Variants in BICD1 observed in about 807,000 individuals in gnomAD.
The protein encoded by BICD1 is BICD cargo adaptor 1, also known as protein bicaudal D homolog 1.
BICD1 carries 35 observed loss-of-function variants against 92.5 expected under a neutral mutation model. That is an observed-to-expected ratio of 0.38 (90% CI 0.29 to 0.50). BICD1 has a LOEUF of 0.50. BICD1 is among the 20% of genes least tolerant of loss of function. BICD1 has a pLI of 0.93. For synonymous variants in BICD1, 429 were observed against 465.1 expected, an observed-to-expected ratio of 0.92 and a Z score of 1.00; for missense variants, 950 against 1,189.8, an observed-to-expected ratio of 0.80 and a Z score of 2.97.
chr12:32,215,031 C>G (rs1303052524), intron 1 of BICD1, among the ~76,000 whole-genome samples: 1 of 152,092 alleles, frequency 6.6e-6, no homozygotes, highest in Non-Finnish European at 1.5e-5. Flanking sequence ...GAGTTTGAGA[C>G]CAGCCTGGCC....
intron 4 of BICD1, among the ~76,000 whole-genome samples, chr12:32,310,791 T>C (rs939120772): frequency 1.3e-5 from 2 of 152,246 alleles, no homozygotes; most frequent in Admixed American, 1.3e-4. Flanking sequence ...ATTTCCACTT[T>C]GCCTACATAT....
intron 4 of BICD1, among the ~76,000 whole-genome samples, chr12:32,319,337 A>G (rs1160417364): frequency 6.6e-6 from 1 of 152,092 alleles, no homozygotes; most frequent in African/African-American, 2.4e-5. Flanking sequence ...TTTTCTTCAT[A>G]TATTGAGATG....
intron 4 of BICD1, among the ~76,000 whole-genome samples, chr12:32,324,112 C>T (rs1055844007): frequency 4.7e-5 from 7 of 150,436 alleles, no homozygotes; most frequent in Admixed American, 2.0e-4. Context: ...GGGCAGATCA[C>T]GAGGTCAGGA....
At chr12:32,231,987 T>A (rs1945906795) in intron 2 of BICD1, among the ~76,000 whole-genome samples, 2 of 150,378 alleles carry the variant, frequency 1.3e-5, no homozygotes, top group Non-Finnish European at 1.5e-5. Context: ...CAGTCTATCA[T>A]TGTTGGACAT....
chr12:32,208,775 A>AT (rs1197263024), intron 1 of BICD1, among the ~76,000 whole-genome samples: 1 of 151,992 alleles, frequency 6.6e-6, no homozygotes, highest in Non-Finnish European at 1.5e-5. Context: ...GGTTCTTCCT[A>AT]TTTTTTGTGC....
At position 32,216,235 on chromosome 12, in the gene BICD1, T is replaced by C; in HGVS notation, c.214-12T>C. On this transcript the variant is annotated splice_polypyrimidine_tract_variant and intron_variant, in intron 1 of 9. Coordinates refer to ENST00000652176, the MANE Select transcript of BICD1 (RefSeq NM_001714.4). ...TCATTGTGTACTCTTTTTCTTCCCA[T>C]ATACTCTGCAGGCATTTGGGCAGTC... is the stretch of plus-strand genomic sequence containing the variant. 1 of 1,611,812 alleles carries C rather than the reference T, an allele frequency of 6.2e-7. No homozygotes were observed. The highest frequency in any genetic ancestry group is 8.5e-7 in the Non-Finnish European group (1 of 1,179,004).
rs571056325 is a variant in BICD1 at position 32,242,056 on chromosome 12, A to AAACAAAC, written c.426+25599_426+25600insCAAACAA. Among the ~76,000 whole-genome samples the AAACAAAC allele has an allele frequency of 5.2e-3, 777 of 150,396 alleles. 4 individuals are homozygous for AAACAAAC. Among genetic ancestry groups the AAACAAAC allele is most frequent in the Non-Finnish European group, 8.9e-3 (601 of 67,764 alleles). On this transcript the variant is annotated intron_variant, in intron 2 of 9. Coordinates refer to ENST00000652176, the MANE Select transcript of BICD1 (RefSeq NM_001714.4). ...CAAAACAAACAAACAAACAAACAAA[A>AAACAAAC]AAACAAAAATTAGCTGGGCATGATG...
At chr12:32,284,490 G>C (rs188944290) in intron 2 of BICD1, among the ~76,000 whole-genome samples, 1 of 152,194 alleles carries the variant, frequency 6.6e-6, no homozygotes, top group East Asian at 1.9e-4. Flanking sequence ...ACCAAATCCT[G>C]TTCATTCTAA....
intron 1 of BICD1, among the ~76,000 whole-genome samples, chr12:32,157,968 A>G (rs1199021163): frequency 6.6e-6 from 1 of 152,170 alleles, no homozygotes; most frequent in Non-Finnish European, 1.5e-5. Context: ...CAGATGTAAA[A>G]TGAAATTTTT....
intron 1 of BICD1, chr12:32,107,875 G>T: frequency 1.6e-6 from 1 of 610,084 alleles, no homozygotes; most frequent in South Asian, 1.9e-5. Flanking sequence ...CAAAACCGCT[G>T]TTATCTCAAA....
At chr12:32,224,614 G>A (rs1945628510) in intron 2 of BICD1, among the ~76,000 whole-genome samples, 1 of 152,144 alleles carries the variant, frequency 6.6e-6, no homozygotes. Context: ...ATGCTTTTGG[G>A]GAATATCAGA....
intron 1 of BICD1, among the ~76,000 whole-genome samples, chr12:32,178,692 C>T (rs1944188581): frequency 6.6e-6 from 1 of 151,904 alleles, no homozygotes; most frequent in East Asian, 1.9e-4. Context: ...GTGGATGGAC[C>T]ATAGAAGCAG....
intron 1 of BICD1, among the ~76,000 whole-genome samples, chr12:32,181,195 G>A (rs1476915663): frequency 6.6e-6 from 1 of 151,652 alleles, no homozygotes; most frequent in Non-Finnish European, 1.5e-5. Context: ...CGAGGGGGGT[G>A]GATCACTTGA....
In BICD1 at chr12:32,220,485, A is replaced by G. The variant is rs541653787; in HGVS notation, c.426+4026A>G. Among the ~76,000 whole-genome samples, 359 of 152,214 alleles carry G rather than the reference A, an allele frequency of 2.4e-3. 2 individuals carry two copies. The highest frequency in any genetic ancestry group is 8.3e-3 in the African/African-American group (346 of 41,544). On this transcript the variant is annotated intron_variant, in intron 2 of 9. Transcript: ENST00000652176. ...AGACATTTATGCAGCCAAAAAACAC[A>G]TGAAAAAATGCTCACCATCACTGGC...
chr12:32,341,576 C>G (rs1480741278), intron 8 of BICD1, among the ~76,000 whole-genome samples: 1 of 151,924 alleles, frequency 6.6e-6, no homozygotes, highest in African/African-American at 2.4e-5. Flanking sequence ...TAATTCTCAC[C>G]ATTTATGTAA....
intron 1 of BICD1, among the ~76,000 whole-genome samples, chr12:32,153,812 A>G (rs1305029597): frequency 2.0e-5 from 3 of 150,478 alleles, no homozygotes; most frequent in Non-Finnish European, 3.0e-5. Context: ...TATGTAATAC[A>G]TATATATTAC....
intron 1 of BICD1, among the ~76,000 whole-genome samples, chr12:32,195,800 C>G (rs11051840): frequency 0.12 from 18,125 of 152,136 alleles, 1,387 homozygotes; most frequent in East Asian, 0.28. Context: ...ACTAAAAAAA[C>G]TTCTGCACAA....
chr12:32,259,768 C>G (rs1456639039), intron 2 of BICD1, among the ~76,000 whole-genome samples: 3 of 152,106 alleles, frequency 2.0e-5, no homozygotes, highest in Non-Finnish European at 4.4e-5. Flanking sequence ...AATCTAAAGG[C>G]AAGGGCTTGT....
intron 1 of BICD1, among the ~76,000 whole-genome samples, chr12:32,122,194 C>T (rs1183144351): frequency 6.6e-6 from 1 of 152,006 alleles, no homozygotes; most frequent in Non-Finnish European, 1.5e-5. Flanking sequence ...CACCTGTAAT[C>T]CCAGCACTTT....
Sources: gnomAD v4.1 joint callset for allele counts (sites outside exome capture counted in the v4.1 genomes callset) on GRCh38, gnomAD v4.1.1 for gene constraint, MANE v1.5 for transcripts, NCBI Gene and HGNC (gene_info 2026-07-23, HGNC 2026-07-21) for gene names.